Variants in HSD17B4 observed in about 807,000 individuals in gnomAD.
HSD17B4 encodes the protein peroxisomal multifunctional enzyme type 2.
HSD17B4 carries 70 observed loss-of-function variants against 101.0 expected under a neutral mutation model. The ratio of observed to expected loss-of-function variants is 0.69; its 90% CI spans 0.57 to 0.85. HSD17B4 has a LOEUF of 0.85. Among genes scored for constraint, HSD17B4 ranks in the 40% least tolerant of loss-of-function variants. The pLI is 0.00. For missense variants in HSD17B4, 984 were observed against 892.4 expected (o/e 1.10, Z -1.31); for synonymous variants, 347 against 297.1 (o/e 1.17, Z -1.73).
At chr5:119,538,631 T>A (rs1301417586) in intron 23 of HSD17B4, among the ~76,000 whole-genome samples, 1 of 152,200 alleles carries the variant, frequency 6.6e-6, no homozygotes, top group African/African-American at 2.4e-5. Flanking sequence ...TTTTCAGGCT[T>A]CATCCCATGC....
chr5:119,475,235 C>A (rs902228298), intron 4 of HSD17B4, among the ~76,000 whole-genome samples: 3 of 152,018 alleles, frequency 2.0e-5, no homozygotes, highest in Non-Finnish European at 4.4e-5. Context: ...TAATTATTTT[C>A]TTTCATAGTG....
intron 10 of HSD17B4, chr5:119,492,556 A>C (rs1040901647): frequency 1.8e-5 from 3 of 169,064 alleles, no homozygotes; most frequent in African/African-American, 4.8e-5. Context: ...TTTCCCATGT[A>C]ATTATTTTCT....
chr5:119,512,482 A>T (rs1267937774), intron 16 of HSD17B4, among the ~76,000 whole-genome samples: 1 of 152,138 alleles, frequency 6.6e-6, no homozygotes, highest in Non-Finnish European at 1.5e-5. Context: ...CCCTAATAAG[A>T]TTAAGAGCTG....
chr5:119,463,339 C>T (rs1435476104), intron 2 of HSD17B4, among the ~76,000 whole-genome samples: 1 of 152,162 alleles, frequency 6.6e-6, no homozygotes, highest in Non-Finnish European at 1.5e-5. Flanking sequence ...ACCTCTTTGA[C>T]ATACTGATTT....
At chr5:119,527,835 A>G (rs1753739468) in intron 20 of HSD17B4, among the ~76,000 whole-genome samples, 1 of 152,150 alleles carries the variant, frequency 6.6e-6, no homozygotes, top group African/African-American at 2.4e-5. Flanking sequence ...AAATCCACAA[A>G]TTAACAAGTT....
chr5:119,462,248 ATTT>A (rs10524491), intron 2 of HSD17B4, among the ~76,000 whole-genome samples: 109 of 29,900 alleles, frequency 3.6e-3, no homozygotes, highest in Non-Finnish European at 6.4e-3. Flanking sequence ...AACAAATGTG[ATTT>A]TTTTTTTTTT....
At chr5:119,460,801 T>A (rs1755151391) in intron 2 of HSD17B4, among the ~76,000 whole-genome samples, 1 of 151,914 alleles carries the variant, frequency 6.6e-6, no homozygotes, top group Non-Finnish European at 1.5e-5. Flanking sequence ...ATGTAGGTGC[T>A]GTGGAGAAAA....
chr5:119,456,416 A>G, intron 2 of HSD17B4, 48 bp downstream of exon 2: 2 of 1,026,300 alleles, frequency 1.9e-6, no homozygotes, highest in South Asian at 1.3e-5. Context: ...TAACTGAAAT[A>G]CAATCTTTAC....
At chr5:119,532,397 C>G (rs780236642) in intron 22 of HSD17B4, among the ~76,000 whole-genome samples, 1 of 151,926 alleles carries the variant, frequency 6.6e-6, no homozygotes, top group South Asian at 2.1e-4. Context: ...AATAACTAGC[C>G]TGATTCTGTA....
Position 119,478,945 on chromosome 5 carries a change from C to T in HSD17B4, c.546C>T (p.Gly182=). The change falls in exon 8 of 24, where the codon GGC becomes GGT. Residue 182 remains glycine, a synonymous_variant. Transcript: ENST00000510025. ...LGLANSLAIE[G]RKSNIHCNTI... ...TTGCAAATTCTCTTGCAATTGAAGG[C>T]AGGAAAAGCAACATTCATTGTAACA... is the stretch of plus-strand genomic sequence containing the variant. 2.5e-6 allele frequency: 4 copies of T among 1,613,604 alleles called. No individual in the cohort carries two copies. Among genetic ancestry groups the T allele is most frequent in the Non-Finnish European group, 3.4e-6 (4 of 1,179,654 alleles).
intron 16 of HSD17B4, 147 bp from the exon 17 acceptor site, chr5:119,514,834 T>C (rs1021898884): frequency 6.3e-6 from 4 of 635,776 alleles, no homozygotes; most frequent in African/African-American, 1.8e-5. Context: ...ATATCATTAT[T>C]TCCTGAGCAT....
At chr5:119,498,956 G>A (rs1050208411) in intron 12 of HSD17B4, among the ~76,000 whole-genome samples, 1 of 152,186 alleles carries the variant, frequency 6.6e-6, no homozygotes, top group Non-Finnish European at 1.5e-5. Flanking sequence ...TCTGTTTACA[G>A]TGAACTTTAT....
rs769941601 is a variant in HSD17B4, at chr5:119,492,124, TGTAA to T, written c.739+3_739+6del. 5 of 1,606,058 alleles carry T rather than the reference TGTAA, an allele frequency of 3.1e-6. No individual in the cohort carries two copies. In the Admixed American group the frequency reaches 8.3e-5, roughly 27 times the overall value. On this transcript the variant is annotated splice_donor_variant and splice_donor_region_variant and intron_variant, in intron 10 of 23. Transcript: ENST00000510025. LOFTEE classifies it high-confidence loss of function. ...GGTTGGAGCAGGATGGATTGGAAAA[TGTAA>T]GTCTCTCTCAGTTTTTGGTTTGTAT...
intron 8 of HSD17B4, among the ~76,000 whole-genome samples, chr5:119,484,265 A>C (rs1326414149): frequency 1.3e-5 from 2 of 152,168 alleles, no homozygotes; most frequent in Non-Finnish European, 2.9e-5. Flanking sequence ...TCTATAGACT[A>C]TTCCTCATTC....
chr5:119,456,802 C>T (rs1161713803), intron 2 of HSD17B4: 1 of 185,340 alleles, frequency 5.4e-6, no homozygotes, highest in Non-Finnish European at 1.1e-5. Flanking sequence ...AAATTCTTGA[C>T]TTCAGTAAAT....
At chr5:119,489,119 C>T in intron 8 of HSD17B4, 73 bp from the exon 9 acceptor site, 1 of 1,008,492 alleles carries the variant, frequency 9.9e-7, no homozygotes, top group Non-Finnish European at 1.6e-6. Flanking sequence ...TCTGAATTAC[C>T]TATAATTTTA....
intron 15 of HSD17B4, among the ~76,000 whole-genome samples, chr5:119,508,628 C>G (rs1412143910): frequency 6.6e-6 from 1 of 152,150 alleles, no homozygotes; most frequent in Non-Finnish European, 1.5e-5. Context: ...TTAATAAACA[C>G]TTATTAGGTG....
At chr5:119,484,934 G>A (rs1749480616) in intron 8 of HSD17B4, among the ~76,000 whole-genome samples, 1 of 152,050 alleles carries the variant, frequency 6.6e-6, no homozygotes, top group Non-Finnish European at 1.5e-5. Context: ...TCTTGTTGAA[G>A]AATCATATTA....
At position 119,456,309 on chromosome 5, in the gene HSD17B4, G is replaced by A; in HGVS notation, c.59-6G>A. 6.2e-7 allele frequency: 1 copy of A among 1,605,206 alleles called. No individual in the cohort carries two copies. Among genetic ancestry groups the A allele is most frequent in the Non-Finnish European group, 8.5e-7 (1 of 1,171,860 alleles). On this transcript the variant is annotated splice_region_variant and splice_polypyrimidine_tract_variant and intron_variant, in intron 1 of 23. Coordinates refer to ENST00000510025, the MANE Select transcript of HSD17B4 (RefSeq NM_000414.4). Reference sequence around the variant, plus strand: ...TCAACTTTCTGATTATTTTGTTTTTGATTAGGATTGGGCCGAGCCTATGCC... The same window carrying A: ...TCAACTTTCTGATTATTTTGTTTTTAATTAGGATTGGGCCGAGCCTATGCC...
Sources: allele counts gnomAD v4.1 joint callset (sites outside exome capture counted in the v4.1 genomes callset), GRCh38; gene constraint gnomAD v4.1.1; transcripts MANE v1.5; gene names NCBI Gene and HGNC (gene_info 2026-07-23, HGNC 2026-07-21).